The following CORO2B variants were observed in gnomAD, a reference collection of about 807,000 sequenced individuals.
CORO2B encodes the protein coronin-2B.
A neutral mutation model predicts 58.8 loss-of-function variants in CORO2B; 26 were observed. That is an observed-to-expected ratio of 0.44 (90% CI 0.32 to 0.61). The LOEUF is 0.61. Ranked by LOEUF, CORO2B falls within the 20% of genes least tolerant of loss-of-function variation. CORO2B has a pLI of 0.04. For missense variants in CORO2B, 460 were observed against 645.1 expected (o/e 0.71, Z 3.11); for synonymous variants, 242 against 253.8 (o/e 0.95, Z 0.44).
chr15:68,723,750 C>T (rs867069105), intron 11 of CORO2B, among the ~76,000 whole-genome samples: 8 of 152,204 alleles, frequency 5.3e-5, no homozygotes, highest in East Asian at 1.9e-4. Flanking sequence ...CGTGCCCGGC[C>T]GATACCTTCT....
intron 1 of CORO2B, among the ~76,000 whole-genome samples, chr15:68,590,391 C>A (rs552776363): frequency 1.3e-5 from 2 of 152,260 alleles, no homozygotes; most frequent in Admixed American, 1.3e-4. Flanking sequence ...TCTGTTCTCT[C>A]AGGTACCCCC....
At chr15:68,582,863 G>A (rs1056363463) in intron 1 of CORO2B, among the ~76,000 whole-genome samples, 4 of 152,166 alleles carry the variant, frequency 2.6e-5, no homozygotes, top group South Asian at 2.1e-4. Context: ...TAAGTTAGAC[G>A]CTAGTGAGCT....
At chr15:68,684,439 C>T (rs1030834388) in intron 2 of CORO2B, among the ~76,000 whole-genome samples, 1 of 152,214 alleles carries the variant, frequency 6.6e-6, no homozygotes, top group African/African-American at 2.4e-5. Context: ...AGAACACAGC[C>T]AGAGGCCAGG....
intron 2 of CORO2B, among the ~76,000 whole-genome samples, chr15:68,657,467 G>A (rs1443960116): frequency 6.7e-6 from 1 of 148,406 alleles, no homozygotes; most frequent in Non-Finnish European, 1.5e-5. Context: ...GCAGTGAGCT[G>A]TGCTCATGCC....
At chr15:68,640,143 C>T (rs1901163290) in intron 1 of CORO2B, among the ~76,000 whole-genome samples, 1 of 152,070 alleles carries the variant, frequency 6.6e-6, no homozygotes, top group East Asian at 1.9e-4. Context: ...CTTCTGCAGA[C>T]ACCCAGCTTT....
At chr15:68,557,995 C>T in the CORO2B span, among the ~76,000 whole-genome samples, 1 of 152,080 alleles carries the variant, frequency 6.6e-6, no homozygotes, top group Admixed American at 6.5e-5. Context: ...ATGAAGGGCA[C>T]TGGGCACTGT....
In CORO2B at chr15:68,645,721, G is replaced by A. The variant is rs1165420517; in HGVS notation, c.216+361G>A. Among the ~76,000 whole-genome samples the A allele has an allele frequency of 1.3e-5, 2 of 152,130 alleles. No homozygotes were observed. The highest frequency in any genetic ancestry group is 2.9e-5 in the Non-Finnish European group (2 of 68,026). Reference sequence around the variant, plus strand: ...TGAGTGTCCTCTTGGTTTGGAGCCGGAAGGGATGAAGACCTAGCCATAGGT... The same window carrying A: ...TGAGTGTCCTCTTGGTTTGGAGCCGAAAGGGATGAAGACCTAGCCATAGGT... On this transcript the variant is annotated intron_variant, in intron 2 of 11. Coordinates refer to ENST00000261861, the MANE Select transcript of CORO2B (RefSeq NM_006091.5). The surrounding 1 kb of genome is among the most constrained non-coding windows in gnomAD (Gnocchi z 4.5).
At chr15:68,633,934 G>C (rs1900942554) in intron 1 of CORO2B, among the ~76,000 whole-genome samples, 1 of 152,224 alleles carries the variant, frequency 6.6e-6, no homozygotes, top group African/African-American at 2.4e-5. Flanking sequence ...GCAACGTCTT[G>C]GTCTGTGGGC....
intron 2 of CORO2B, among the ~76,000 whole-genome samples, chr15:68,648,105 G>T (rs1181921683): frequency 1.3e-5 from 2 of 151,508 alleles, no homozygotes; most frequent in African/African-American, 4.8e-5. Context: ...GGCCGAGGTG[G>T]GTGGATCACC....
intron 2 of CORO2B, among the ~76,000 whole-genome samples, chr15:68,647,276 C>T (rs1260015026): frequency 2.0e-5 from 3 of 152,194 alleles, no homozygotes; most frequent in Admixed American, 6.5e-5. Context: ...TTCTGTATTA[C>T]AATGAGGCAC....
chr15:68,685,546 G>A (rs1309694700), intron 2 of CORO2B, among the ~76,000 whole-genome samples: 1 of 152,124 alleles, frequency 6.6e-6, no homozygotes, highest in Non-Finnish European at 1.5e-5. Context: ...TCCCCAACAT[G>A]AGACAAGACC....
rs1393342013 is a variant in CORO2B at position 68,719,558 on chromosome 15, G to A, written c.1311+6G>A. The stretch of plus-strand genomic sequence containing the variant: ...CACCCAGGACAGAGAATGAGGTAAG[G>A]AATGTAAGTTATTACCTCCACAGGC... On this transcript the variant is annotated splice_donor_region_variant and intron_variant, in intron 11 of 11. Transcript: ENST00000261861. 1 of 1,610,956 alleles carries A rather than the reference G, an allele frequency of 6.2e-7. No homozygotes were observed. The highest frequency in any genetic ancestry group is 1.1e-5 in the South Asian group (1 of 90,568).
chr15:68,566,953 T>C, the CORO2B span, among the ~76,000 whole-genome samples: 1 of 152,216 alleles, frequency 6.6e-6, no homozygotes, highest in Admixed American at 6.5e-5. Flanking sequence ...GCGTGTCCAA[T>C]AAATGACTCA....
chr15:68,614,301 T>G (rs1250168660), intron 1 of CORO2B, among the ~76,000 whole-genome samples: 1 of 152,230 alleles, frequency 6.6e-6, no homozygotes, highest in African/African-American at 2.4e-5. Flanking sequence ...TTTGTTCTAT[T>G]TAAATATATT....
rs184166165 is a variant in CORO2B, at chr15:68,610,478, G to C, written c.15+31201G>C. Among the ~76,000 whole-genome samples the C allele has an allele frequency of 2.0e-4, 30 of 151,950 alleles. No homozygotes were observed. The East Asian group carries it at 4.5e-3, about 23-fold the overall frequency. On this transcript the variant is annotated intron_variant, in intron 1 of 11. Transcript: ENST00000261861. ...TGATCTCCAGACCCCCTTGTTCCAG[G>C]AACAACAGACCCCTTGCTCTTTCGC...
chr15:68,638,647 A>G (rs143077946), intron 1 of CORO2B, among the ~76,000 whole-genome samples: 1 of 152,298 alleles, frequency 6.6e-6, no homozygotes, highest in African/African-American at 2.4e-5. Context: ...TATGTGTTGT[A>G]TTGGAAAGAG....
At chr15:68,546,534 C>A in the CORO2B span, among the ~76,000 whole-genome samples, 13 of 152,222 alleles carry the variant, frequency 8.5e-5, no homozygotes, top group South Asian at 2.7e-3. Flanking sequence ...AATTCTAGAC[C>A]CTGAGGTGTC....
chr15:68,717,290 G>A (rs1322987768), intron 8 of CORO2B, among the ~76,000 whole-genome samples: 1 of 151,408 alleles, frequency 6.6e-6, no homozygotes, highest in Non-Finnish European at 1.5e-5. Flanking sequence ...CTCCAACCTG[G>A]GCAACAGAGC....
chr15:68,622,676 C>T (rs1900561125), intron 1 of CORO2B, among the ~76,000 whole-genome samples: 1 of 152,190 alleles, frequency 6.6e-6, no homozygotes, highest in African/African-American at 2.4e-5. Flanking sequence ...ACACCCCATT[C>T]ATTCATTCAT....
Sources: allele counts gnomAD v4.1 joint callset (sites outside exome capture counted in the v4.1 genomes callset), GRCh38; gene constraint gnomAD v4.1.1; non-coding constraint Gnocchi (gnomAD v3.1); transcripts MANE v1.5; gene names NCBI Gene and HGNC (gene_info 2026-07-23, HGNC 2026-07-21).